ADAMDEC1: variants seen among roughly 807,000 people sequenced by gnomAD.
ADAMDEC1 encodes ADAM like decysin 1, also known as ADAM DEC1.
In ADAMDEC1, 62 loss-of-function variants were observed where a neutral mutation model predicts 60.4. The ratio of observed to expected loss-of-function variants is 1.03; its 90% CI spans 0.84 to 1.27. The LOEUF (loss-of-function observed/expected upper bound fraction) is 1.27. Ranked by LOEUF, ADAMDEC1 falls within the 50% of genes most tolerant of loss-of-function variation. The probability of loss-of-function intolerance (pLI) is 0.00; values close to 1 mark genes in which losing one functional copy is unlikely to be tolerated. For synonymous variants in ADAMDEC1, 210 were observed against 195.1 expected, an observed-to-expected ratio of 1.08 and a Z score of -0.64; for missense variants, 595 against 565.0, an observed-to-expected ratio of 1.05 and a Z score of -0.54.
chr8:24,404,209 G>T (rs142114618), intron 13 of ADAMDEC1, 121 bp downstream of exon 13: 1 of 848,150 alleles, frequency 1.2e-6, no homozygotes, highest in African/African-American at 1.7e-5. Flanking sequence ...TTTTTCAAAC[G>T]ACTCAATTTT....
chr8:24,384,552 G>C lies in ADAMDEC1; in HGVS notation c.48G>C (p.Trp16Cys). 6.2e-7 allele frequency: 1 copy of C among 1,611,110 alleles called. No individual in the cohort carries two copies. Among genetic ancestry groups the C allele is most frequent in the South Asian group, 1.1e-5 (1 of 90,588 alleles). ...SQLPAVATMS[W>C]VLLPVLWLIV... ...TACCTGCAGTGGCCACCATGTCTTG[G>C]GTCCTGCTGCCTGTACTTTGGCTCA... Residue 16 changes from tryptophan (W) to cysteine (C), a missense_variant, in exon 1 of 14, where the codon TGG becomes TGC. Trp to Cys is a radical substitution (Grantham distance 215). Transcript: ENST00000256412.
At chr8:24,403,274 T>C (rs1817809913) in intron 12 of ADAMDEC1, among the ~76,000 whole-genome samples, 1 of 152,162 alleles carries the variant, frequency 6.6e-6, no homozygotes, top group Non-Finnish European at 1.5e-5. Flanking sequence ...AAGTAGTATG[T>C]ATACTTCATA....
At chr8:24,395,090 A>G (rs545263628) in intron 4 of ADAMDEC1, among the ~76,000 whole-genome samples, 23 of 152,344 alleles carry the variant, frequency 1.5e-4, no homozygotes, top group African/African-American at 4.8e-4. Flanking sequence ...TGGGCCAACA[A>G]TCATGTCTGA....
intron 8 of ADAMDEC1, 80 bp downstream of exon 8, chr8:24,398,631 G>C: frequency 1.7e-6 from 2 of 1,159,010 alleles, no homozygotes; most frequent in Non-Finnish European, 2.5e-6. Context: ...TCACCAACAA[G>C]AAGTTAAAAA....
In ADAMDEC1 at chr8:24,384,414, C is replaced by A; in HGVS notation, c.-91C>A. 2.8e-6 allele frequency: 3 copies of A among 1,058,310 alleles called. No individual in the cohort carries two copies. The highest frequency in any genetic ancestry group is 1.7e-5 in the South Asian group (1 of 60,188). The allele number at this position is 1,058,310 out of a possible 1,614,324, so 65.6% of individuals were successfully genotyped here. A position where few individuals can be genotyped will look rare whatever the true frequency, so the allele number is the denominator to read the frequency against. ...ACTCTTAAGAAACATTCCCCAATCT[C>A]ACACGAAAAGTGGGGGTTTTAATTT... On this transcript the variant is annotated 5_prime_UTR_variant, in exon 1 of 14. Coordinates refer to ENST00000256412, the MANE Select transcript of ADAMDEC1 (RefSeq NM_014479.3).
chr8:24,404,376 A>G (rs958023381), intron 13 of ADAMDEC1, among the ~76,000 whole-genome samples: 3 of 152,210 alleles, frequency 2.0e-5, no homozygotes, highest in Non-Finnish European at 2.9e-5. Context: ...TTTAATACAA[A>G]CCAAAATGAG....
chr8:24,392,045 G>T (rs1817457516), intron 1 of ADAMDEC1, among the ~76,000 whole-genome samples: 1 of 151,628 alleles, frequency 6.6e-6, no homozygotes, highest in South Asian at 2.1e-4. Flanking sequence ...TAATCTTCAT[G>T]TCTTTTCAGA....
At chr8:24,399,630 G>C (rs930750954) in intron 10 of ADAMDEC1, among the ~76,000 whole-genome samples, 156 bp downstream of exon 10, 1 of 152,138 alleles carries the variant, frequency 6.6e-6, no homozygotes, top group African/African-American at 2.4e-5. Flanking sequence ...AAGATCCCTT[G>C]GGTTATGCGA....
At chr8:24,391,389 T>C (rs1046448440) in intron 1 of ADAMDEC1, among the ~76,000 whole-genome samples, 2 of 152,214 alleles carry the variant, frequency 1.3e-5, no homozygotes, top group African/African-American at 4.8e-5. Flanking sequence ...TTTATATATT[T>C]TATCTTATTC....
intron 13 of ADAMDEC1, among the ~76,000 whole-genome samples, chr8:24,404,995 T>C (rs1817854423): frequency 6.6e-6 from 1 of 152,130 alleles, no homozygotes; most frequent in African/African-American, 2.4e-5. Context: ...CTTGGAACCC[T>C]AGGTGAACAT....
chr8:24,394,054 C>T lies in ADAMDEC1; in HGVS notation c.285-15C>T, dbSNP rs991050340. 1.5e-5 allele frequency: 24 copies of T among 1,597,480 alleles called. No homozygotes were observed. Among genetic ancestry groups the T allele is most frequent in the East Asian group, 2.2e-5 (1 of 44,694 alleles). On this transcript the variant is annotated splice_polypyrimidine_tract_variant and intron_variant, in intron 3 of 13. Coordinates refer to ENST00000256412, the MANE Select transcript of ADAMDEC1 (RefSeq NM_014479.3). ...ACCATCCTGAGTGGTCCATGCAGCTCTCTGCTCTCTACAGGCACCTCCTGG... is the reference window on the plus strand; with the variant it reads ...ACCATCCTGAGTGGTCCATGCAGCTTTCTGCTCTCTACAGGCACCTCCTGG...
Position 24,395,713 on chromosome 8 carries a change from A to T in ADAMDEC1, c.364-7A>T, listed in dbSNP as rs1817589974. ...TTCTGAAGCATAATTTCTTTTTTCC[A>T]CTCCAGGAACACTGTTACTATAAAG... On this transcript the variant is annotated splice_polypyrimidine_tract_variant and splice_region_variant and intron_variant, in intron 4 of 13. Transcript: ENST00000256412. The T allele has an allele frequency of 3.7e-6, 6 of 1,606,228 alleles. No homozygotes were observed. The East Asian group carries it at 6.7e-5, about 18-fold the overall frequency.
intron 13 of ADAMDEC1, among the ~76,000 whole-genome samples, chr8:24,404,973 G>A (rs1585818784): frequency 1.3e-5 from 2 of 152,122 alleles, no homozygotes; most frequent in South Asian, 4.1e-4. Flanking sequence ...AAATCATCCA[G>A]CTATTTAAGG....
At chr8:24,386,038 A>G (rs1403811890) in intron 1 of ADAMDEC1, among the ~76,000 whole-genome samples, 1 of 152,144 alleles carries the variant, frequency 6.6e-6, no homozygotes, top group Non-Finnish European at 1.5e-5. Flanking sequence ...ACTTGTTTCT[A>G]TTAATATTGT....
chr8:24,399,599 T>C, intron 10 of ADAMDEC1, 125 bp downstream of exon 10: 1 of 838,508 alleles, frequency 1.2e-6, no homozygotes, highest in South Asian at 1.4e-5. Context: ...GAAATGAAAC[T>C]ACTGGTAGGT....
At chr8:24,395,265 A>T (rs1021672553) in intron 4 of ADAMDEC1, among the ~76,000 whole-genome samples, 3 of 152,244 alleles carry the variant, frequency 2.0e-5, no homozygotes, top group Non-Finnish European at 4.4e-5. Context: ...GTCTCATTTT[A>T]CTTATTTGTA....
In ADAMDEC1 at chr8:24,399,429, A is replaced by G. The variant is rs764947775; in HGVS notation, c.966A>G (p.Ala322=). The change falls in exon 10 of 14, where the codon GCA becomes GCG. Residue 322 remains alanine (A), a synonymous_variant. Transcript: ENST00000256412. ...TCAACAATCGACGTGTGGGACTGGC[A>G]GCTTCAAATTCCTTGTGTTCCCCAT... ...ISFNNRRVGL[A]ASNSLCSPSS... The G allele has an allele frequency of 6.2e-7, 1 of 1,613,912 alleles. No individual in the cohort carries two copies. The highest frequency in any genetic ancestry group is 8.5e-7 in the Non-Finnish European group (1 of 1,179,938).
chr8:24,388,608 C>T (rs894683195), intron 1 of ADAMDEC1, among the ~76,000 whole-genome samples: 2 of 152,114 alleles, frequency 1.3e-5, no homozygotes, highest in Non-Finnish European at 2.9e-5. Context: ...TTGGAATAGC[C>T]CAGGGCTCAG....
Position 24,384,568 on chromosome 8 carries a change from C to T in ADAMDEC1, c.64C>T (p.Leu22Phe). 1 of 1,611,056 alleles carries T rather than the reference C, an allele frequency of 6.2e-7. No homozygotes were observed. Among genetic ancestry groups the T allele is most frequent in the Non-Finnish European group, 8.5e-7 (1 of 1,178,614 alleles). The change falls in exon 1 of 14, where the codon CTT becomes TTT. Residue 22 changes from leucine (L) to phenylalanine (F), a missense_variant. Physicochemically the swap from Leu to Phe is conservative, Grantham distance 22. Transcript: ENST00000256412. Reference sequence around the variant, plus strand: ...CATGTCTTGGGTCCTGCTGCCTGTACTTTGGCTCATTGTTCAAACTCAAGG... The same window carrying T: ...CATGTCTTGGGTCCTGCTGCCTGTATTTTGGCTCATTGTTCAAACTCAAGG... ...ATMSWVLLPV[L>F]WLIVQTQAIA...
Sources: allele counts gnomAD v4.1 joint callset (sites outside exome capture counted in the v4.1 genomes callset), GRCh38; gene constraint gnomAD v4.1.1; transcripts MANE v1.5; gene names NCBI Gene and HGNC (gene_info 2026-07-23, HGNC 2026-07-21).